SEMA3A: variants seen among roughly 807,000 people sequenced by gnomAD.
SEMA3A encodes semaphorin 3A, also known as semaphorin-3A.
In SEMA3A, 29 loss-of-function variants were observed where a neutral mutation model predicts 97.9. The observed-to-expected ratio is 0.30, with a 90% CI of 0.22 to 0.40. The LOEUF (loss-of-function observed/expected upper bound fraction) is 0.40, where lower values mean the gene tolerates loss of function less well. Among genes scored for constraint, SEMA3A ranks in the 10% least tolerant of loss-of-function variants. The pLI, the probability that SEMA3A is intolerant of heterozygous loss-of-function variation, is 1.00. For missense variants in SEMA3A, 763 were observed against 951.3 expected, an observed-to-expected ratio of 0.80 and a Z score of 2.60; for synonymous variants, 321 against 323.7, an observed-to-expected ratio of 0.99 and a Z score of 0.09.
chr7:84,458,654 C>T (rs916699633), intron 1 of SEMA3A, among the ~76,000 whole-genome samples: 5 of 151,846 alleles, frequency 3.3e-5, no homozygotes, highest in Admixed American at 6.6e-5. Flanking sequence ...CTCTCTGCCT[C>T]GTCATCACCA....
At chr7:84,425,916 A>G (rs1337919172) in intron 1 of SEMA3A, among the ~76,000 whole-genome samples, 1 of 151,302 alleles carries the variant, frequency 6.6e-6, no homozygotes, top group Non-Finnish European at 1.5e-5. Context: ...CGACAGAATA[A>G]TGTCTTTTGC....
At chr7:84,169,367 T>C (rs978405057) in intron 1 of SEMA3A, among the ~76,000 whole-genome samples, 47 of 151,110 alleles carry the variant, frequency 3.1e-4, no homozygotes, top group South Asian at 1.0e-3. Flanking sequence ...GGATGTCTAA[T>C]GTAATATAAC....
intron 1 of SEMA3A, among the ~76,000 whole-genome samples, chr7:84,151,203 G>C (rs1297342589): frequency 1.3e-5 from 2 of 151,742 alleles, no homozygotes; most frequent in Non-Finnish European, 2.9e-5. Flanking sequence ...CCAAAGGAAC[G>C]CAGCTCCTCA....
intron 2 of SEMA3A, among the ~76,000 whole-genome samples, chr7:84,344,918 A>G (rs1207690997): frequency 1.3e-5 from 2 of 152,184 alleles, no homozygotes; most frequent in Non-Finnish European, 2.9e-5. Context: ...GAAATAAAAT[A>G]TTTTGAAAAC....
intron 1 of SEMA3A, among the ~76,000 whole-genome samples, chr7:84,421,076 GTTAGGGTTTCGGT>G (rs1804577574): frequency 6.6e-6 from 1 of 151,832 alleles, no homozygotes; most frequent in Non-Finnish European, 1.5e-5. Context: ...TAATTGTGAT[GTTAGGGTTTCGGT>G]TTTAGATCTT....
chr7:83,983,995 G>A (rs1368546356), intron 13 of SEMA3A, among the ~76,000 whole-genome samples: 1 of 152,052 alleles, frequency 6.6e-6, no homozygotes, highest in Non-Finnish European at 1.5e-5. Context: ...TCCAGTAATG[G>A]AAAATAAAGG....
intron 4 of SEMA3A, among the ~76,000 whole-genome samples, chr7:84,105,027 G>A (rs1795067114): frequency 6.6e-6 from 1 of 152,074 alleles, no homozygotes; most frequent in Admixed American, 6.6e-5. Flanking sequence ...GCATCTGATG[G>A]AGACAATGAA....
At chr7:84,448,718 TTAATA>T (rs1805487513) in intron 1 of SEMA3A, among the ~76,000 whole-genome samples, 1 of 151,558 alleles carries the variant, frequency 6.6e-6, no homozygotes, top group Non-Finnish European at 1.5e-5. Context: ...CTTAATAACG[TTAATA>T]TGTCAGTACT....
At chr7:84,388,628 C>A (rs1454629800) in intron 1 of SEMA3A, among the ~76,000 whole-genome samples, 1 of 151,886 alleles carries the variant, frequency 6.6e-6, no homozygotes, top group African/African-American at 2.4e-5. Flanking sequence ...CAAAGGAAAA[C>A]TGATTATACT....
At chr7:84,479,112 A>C (rs1184207552) in intron 1 of SEMA3A, among the ~76,000 whole-genome samples, 1 of 152,178 alleles carries the variant, frequency 6.6e-6, no homozygotes, top group Non-Finnish European at 1.5e-5. Context: ...ACAGCTATCC[A>C]CAGAATAATA....
At chr7:84,108,539 G>GT (rs1562787523) in intron 4 of SEMA3A, among the ~76,000 whole-genome samples, 1 of 152,164 alleles carries the variant, frequency 6.6e-6, no homozygotes, top group African/African-American at 2.4e-5. Context: ...TCCACAGCTA[G>GT]TAAGTTGTAG....
intron 1 of SEMA3A, among the ~76,000 whole-genome samples, chr7:84,137,914 C>A (rs1796193192): frequency 6.6e-6 from 1 of 152,060 alleles, no homozygotes; most frequent in African/African-American, 2.4e-5. Flanking sequence ...AGAACACAAG[C>A]CATCACCACA....
chr7:84,019,416 C>G (rs1006345765), intron 6 of SEMA3A, among the ~76,000 whole-genome samples: 17 of 151,218 alleles, frequency 1.1e-4, no homozygotes, highest in Admixed American at 6.6e-4. Context: ...GAAACTAAGA[C>G]CTGGAGAAAG....
At chr7:84,481,291 A>G (rs1338997023) in intron 1 of SEMA3A, among the ~76,000 whole-genome samples, 1 of 152,186 alleles carries the variant, frequency 6.6e-6, no homozygotes, top group Non-Finnish European at 1.5e-5. Context: ...CTCATTATTA[A>G]TGGCTTCTGC....
At position 84,401,855 on chromosome 7, in the gene SEMA3A, C is replaced by A. The variant is rs193240038; in HGVS notation, c.-245-29955G>T. On this transcript the variant is annotated intron_variant, in intron 1 of 3. Coordinates refer to the SEMA3A transcript ENST00000424555. ...CTTTATCTGTCATCATATAAAAAATCAACTCTGGGTTAAAGACAAACCAAA... is the reference window on the plus strand; with the variant it reads ...CTTTATCTGTCATCATATAAAAAATAAACTCTGGGTTAAAGACAAACCAAA... Among the ~76,000 whole-genome samples the A allele has an allele frequency of 7.0e-4, 106 of 152,200 alleles. 1 individual carries two copies. The highest frequency in any genetic ancestry group is 2.4e-3 in the African/African-American group (98 of 41,530).
chr7:84,335,771 T>C (rs917216723), intron 2 of SEMA3A, among the ~76,000 whole-genome samples: 1 of 152,150 alleles, frequency 6.6e-6, no homozygotes, highest in African/African-American at 2.4e-5. Context: ...TGAAATATAA[T>C]GTGGGCTACA....
intron 3 of SEMA3A, among the ~76,000 whole-genome samples, chr7:84,253,909 T>C: frequency 6.6e-6 from 1 of 152,192 alleles, no homozygotes; most frequent in Non-Finnish European, 1.5e-5. Context: ...GCTAGACTAG[T>C]ACAAATGATC....
intron 4 of SEMA3A, among the ~76,000 whole-genome samples, chr7:84,063,778 C>G (rs1356048859): frequency 3.4e-5 from 5 of 148,568 alleles, no homozygotes; most frequent in Non-Finnish European, 7.4e-5. Context: ...GTGAAAAGAC[C>G]AAATCTACGT....
chr7:84,353,526 T>A (rs1202714054), intron 2 of SEMA3A, among the ~76,000 whole-genome samples: 1 of 151,774 alleles, frequency 6.6e-6, no homozygotes, highest in Non-Finnish European at 1.5e-5. Context: ...GGGTATACTT[T>A]CCAGATGCAT....
Sources: allele counts gnomAD v4.1 joint callset (sites outside exome capture counted in the v4.1 genomes callset), GRCh38; gene constraint gnomAD v4.1.1; transcripts MANE v1.5; gene names NCBI Gene and HGNC (gene_info 2026-07-23, HGNC 2026-07-21).